Variants in BRINP1 observed in about 807,000 individuals in gnomAD.
BRINP1 encodes BMP/retinoic acid-inducible neural-specific protein 1.
A neutral mutation model predicts 72.9 loss-of-function variants in BRINP1; 17 were observed. The observed-to-expected ratio is 0.23, with a 90% CI of 0.16 to 0.35. The LOEUF (loss-of-function observed/expected upper bound fraction) is 0.35. Ranked by LOEUF, BRINP1 falls within the 10% of genes least tolerant of loss-of-function variation. BRINP1 has a pLI of 1.00. For synonymous variants in BRINP1, 418 were observed against 378.5 expected (o/e 1.10, Z -1.21); for missense variants, 850 against 1,001.6 (o/e 0.85, Z 2.04).
rs1308800649 is a variant in BRINP1 at position 119,283,024 on chromosome 9, A to C, written c.218+30114T>G. ...GATTCCTTTTAAGCCTTTTCAAAGCAGAAATTGATGACAGGACTTGACCAA... is the reference window on the plus strand; with the variant it reads ...GATTCCTTTTAAGCCTTTTCAAAGCCGAAATTGATGACAGGACTTGACCAA... On this transcript the variant is annotated intron_variant, in intron 2 of 7. Transcript: ENST00000265922. The C allele has an allele frequency of 5.1e-6, 5 of 985,344 alleles. No individual in the cohort carries two copies. In the African/African-American group the frequency reaches 8.7e-5, roughly 17 times the overall value. 61.0% of individuals were successfully genotyped at this position (985,344 alleles called of 1,614,324 possible). A position where few individuals can be genotyped will look rare whatever the true frequency, so the allele number is the denominator to read the frequency against.
chr9:119,345,981 G>C (rs1232160648), intron 1 of BRINP1, among the ~76,000 whole-genome samples: 1 of 152,094 alleles, frequency 6.6e-6, no homozygotes, highest in African/African-American at 2.4e-5. Flanking sequence ...TAGAGGGGAA[G>C]CCTGAGCTCA....
chr9:119,299,048 C>T (rs1054895170), intron 2 of BRINP1, among the ~76,000 whole-genome samples: 6 of 151,892 alleles, frequency 4.0e-5, no homozygotes, highest in African/African-American at 1.5e-4. Flanking sequence ...TATGCATTAC[C>T]TCACATACTT....
chr9:119,364,733 A>G (rs1462735422), intron 1 of BRINP1, among the ~76,000 whole-genome samples: 1 of 152,230 alleles, frequency 6.6e-6, no homozygotes, highest in Non-Finnish European at 1.5e-5. Context: ...AAGGGGCTGT[A>G]TCTGTCCCAC....
chr9:119,270,891 T>C (rs1830599437), intron 2 of BRINP1, among the ~76,000 whole-genome samples: 1 of 152,118 alleles, frequency 6.6e-6, no homozygotes, highest in African/African-American at 2.4e-5. Context: ...GAGACTGGTG[T>C]TGAAATGGAT....
intron 1 of BRINP1, among the ~76,000 whole-genome samples, chr9:119,338,778 C>T (rs1308318750): frequency 2.0e-5 from 3 of 150,958 alleles, no homozygotes; most frequent in South Asian, 2.1e-4. Context: ...GCCTGTACTC[C>T]GGAGGCTGAG....
chr9:119,216,626 G>A (rs747088962), intron 5 of BRINP1, among the ~76,000 whole-genome samples: 5 of 152,092 alleles, frequency 3.3e-5, no homozygotes, highest in Non-Finnish European at 7.3e-5. Flanking sequence ...ATCCCCCATA[G>A]GCAACTGGGT....
chr9:119,286,034 T>A, intron 2 of BRINP1, among the ~76,000 whole-genome samples: 1 of 152,106 alleles, frequency 6.6e-6, no homozygotes, highest in African/African-American at 2.4e-5. Context: ...AAATCATCAT[T>A]GCCATCAACT....
At chr9:119,272,437 C>G (rs920960303) in intron 2 of BRINP1, among the ~76,000 whole-genome samples, 1 of 152,028 alleles carries the variant, frequency 6.6e-6, no homozygotes, top group African/African-American at 2.4e-5. Flanking sequence ...AGGTGGGTGA[C>G]CTGCACATCC....
chr9:119,350,366 T>C (rs1831494855), intron 1 of BRINP1, among the ~76,000 whole-genome samples: 1 of 152,174 alleles, frequency 6.6e-6, no homozygotes, highest in East Asian at 1.9e-4. Context: ...TAATAACTTA[T>C]GGTATACAAT....
At chr9:119,347,988 T>A (rs1049116406) in intron 1 of BRINP1, among the ~76,000 whole-genome samples, 1 of 152,138 alleles carries the variant, frequency 6.6e-6, no homozygotes, top group Non-Finnish European at 1.5e-5. Flanking sequence ...CCAAAGTCCA[T>A]AGTTTACATT....
At chr9:119,220,046 A>G (rs1399077671) in intron 5 of BRINP1, among the ~76,000 whole-genome samples, 1 of 152,192 alleles carries the variant, frequency 6.6e-6, no homozygotes, top group African/African-American at 2.4e-5. Flanking sequence ...CCTAGAAAAG[A>G]AAAGAAAGAG....
intron 6 of BRINP1, among the ~76,000 whole-genome samples, chr9:119,213,355 T>C (rs1360645108): frequency 1.3e-5 from 2 of 152,226 alleles, no homozygotes; most frequent in Non-Finnish European, 2.9e-5. Flanking sequence ...TGGATGACTG[T>C]CTTTCCACCC....
intron 1 of BRINP1, among the ~76,000 whole-genome samples, chr9:119,342,115 T>C (rs1346691473): frequency 6.7e-6 from 1 of 148,324 alleles, no homozygotes; most frequent in Admixed American, 6.6e-5. Context: ...ATCAGAGACT[T>C]GGATAGGCAA....
At chr9:119,253,113 CAG>C (rs1423744400) in intron 2 of BRINP1, among the ~76,000 whole-genome samples, 1 of 152,156 alleles carries the variant, frequency 6.6e-6, no homozygotes, top group East Asian at 1.9e-4. Context: ...GCACCACGGA[CAG>C]AGTTTTTTAT....
chr9:119,327,806 G>A (rs1831254669), intron 1 of BRINP1, among the ~76,000 whole-genome samples: 3 of 152,070 alleles, frequency 2.0e-5, no homozygotes, highest in Admixed American at 6.6e-5. Context: ...GAAAAGGAAT[G>A]GGTTTTGAGT....
intron 7 of BRINP1, among the ~76,000 whole-genome samples, chr9:119,200,813 G>A (rs1829798065): frequency 6.6e-6 from 1 of 151,868 alleles, no homozygotes; most frequent in African/African-American, 2.4e-5. Context: ...CCTGAGATCT[G>A]AAGGGCAGGT....
In BRINP1 at chr9:119,304,208, A is replaced by C. The variant is rs541052369; in HGVS notation, c.218+8930T>G. ...AAAGGCTGTCTTATATTCTCTTCTTAAATCTTCACTATAATCTTGGAATTT... is the reference window on the plus strand; with the variant it reads ...AAAGGCTGTCTTATATTCTCTTCTTCAATCTTCACTATAATCTTGGAATTT... On this transcript the variant is annotated intron_variant, in intron 2 of 7. Transcript: ENST00000265922. Among the ~76,000 whole-genome samples the C allele has an allele frequency of 2.0e-5, 3 of 152,232 alleles. No individual in the cohort carries two copies. The East Asian group carries it at 5.8e-4, about 29-fold the overall frequency.
At chr9:119,215,045 A>G (rs1829964648) in intron 5 of BRINP1, among the ~76,000 whole-genome samples, 1 of 152,188 alleles carries the variant, frequency 6.6e-6, no homozygotes, top group African/African-American at 2.4e-5. Context: ...GGGTACGAGT[A>G]ACATAATTAG....
intron 1 of BRINP1, among the ~76,000 whole-genome samples, chr9:119,326,095 G>A (rs1831237289): frequency 6.6e-6 from 1 of 152,150 alleles, no homozygotes; most frequent in Non-Finnish European, 1.5e-5. Context: ...TAAATCCACA[G>A]AACAATCCCA....
Sources: allele counts gnomAD v4.1 joint callset (sites outside exome capture counted in the v4.1 genomes callset), GRCh38; gene constraint gnomAD v4.1.1; transcripts MANE v1.5; gene names NCBI Gene and HGNC (gene_info 2026-07-23, HGNC 2026-07-21).